Variants in PRORP observed in about 807,000 individuals in gnomAD.
PRORP encodes the protein protein only RNase P catalytic subunit.
A neutral mutation model predicts 59.4 loss-of-function variants in PRORP; 51 were observed. The ratio of observed to expected loss-of-function variants is 0.86; its 90% CI spans 0.69 to 1.08. The LOEUF is 1.08. Ranked by LOEUF, PRORP falls within the 50% of genes least tolerant of loss-of-function variation. The pLI, the probability that PRORP is intolerant of heterozygous loss-of-function variation, is 0.00. For missense variants in PRORP, 646 were observed against 690.3 expected, an observed-to-expected ratio of 0.94 and a Z score of 0.72; for synonymous variants, 231 against 245.6, an observed-to-expected ratio of 0.94 and a Z score of 0.55.
At chr14:35,137,723 G>C (rs1595172915) in intron 4 of PRORP, among the ~76,000 whole-genome samples, 1 of 145,242 alleles carries the variant, frequency 6.9e-6, no homozygotes, top group Non-Finnish European at 1.5e-5. Context: ...ACAAAGGGTA[G>C]CGTTGGTCCA....
chr14:35,273,041 T>C (rs2051233727), intron 7 of PRORP, among the ~76,000 whole-genome samples: 1 of 151,558 alleles, frequency 6.6e-6, no homozygotes, highest in Non-Finnish European at 1.5e-5. Context: ...GTTGTTGTTG[T>C]TTTGTTTTGT....
In PRORP at chr14:35,266,814, T is replaced by G. The variant is rs780771121; in HGVS notation, c.1363T>G (p.Trp455Gly). The G allele has an allele frequency of 6.2e-7, 1 of 1,614,058 alleles. No individual in the cohort carries two copies. The highest frequency in any genetic ancestry group is 1.3e-5 in the African/African-American group (1 of 75,012). The part of the protein sequence containing the change: ...RKHMLRRSSQ[W>G]SRDEMEEVQK... ...GCACATGCTAAGACGGAGTTCCCAG[T>G]GGAGTCGGGATGAGATGGAAGAGGT... The change falls in exon 6 of 8, where the codon TGG becomes GGG. Residue 455 changes from tryptophan (W) to glycine (G), a missense_variant. Transcript: ENST00000534898.
intron 4 of PRORP, among the ~76,000 whole-genome samples, chr14:35,172,692 G>C (rs2048352494): frequency 1.3e-5 from 2 of 151,224 alleles, no homozygotes; most frequent in Non-Finnish European, 1.5e-5. Context: ...TGAGACTACA[G>C]GTATGCACTA....
At chr14:35,193,809 A>C (rs2048944120) in intron 5 of PRORP, among the ~76,000 whole-genome samples, 1 of 152,120 alleles carries the variant, frequency 6.6e-6, no homozygotes, top group South Asian at 2.1e-4. Flanking sequence ...TTGACTTTTA[A>C]ATACTCTTTT....
In PRORP at chr14:35,257,305, A is replaced by G. The variant is rs115953018; in HGVS notation, c.1276-9422A>G. 1.1e-3 allele frequency among the ~76,000 whole-genome samples: 168 copies of G among 152,254 alleles called. 1 individual carries two copies. Among genetic ancestry groups the G allele is most frequent in the African/African-American group, 3.7e-3 (155 of 41,538 alleles). On this transcript the variant is annotated intron_variant, in intron 5 of 7. Coordinates refer to ENST00000534898, the MANE Select transcript of PRORP (RefSeq NM_014672.4). Reference sequence around the variant, plus strand: ...AACTGTTGCCACCATTCATCTCCAGACTTTTCTCATCTTCCCAAACTGAAA... The same window carrying G: ...AACTGTTGCCACCATTCATCTCCAGGCTTTTCTCATCTTCCCAAACTGAAA...
At position 35,266,574 on chromosome 14, in the gene PRORP, A is replaced by C. The variant is rs189392820; in HGVS notation, c.1276-153A>C. Among the ~76,000 whole-genome samples, 947 of 152,316 alleles carry C rather than the reference A, an allele frequency of 6.2e-3. 11 individuals carry two copies. The highest frequency in any genetic ancestry group is 0.022 in the African/African-American group (902 of 41,560). ...TGTGTAATAGGGAAGCATTTTCCTC[A>C]GGCTTTCAAAGATGGGAAATTATTG... On this transcript the variant is annotated intron_variant, in intron 5 of 7. Transcript: ENST00000534898.
Position 35,123,151 on chromosome 14 carries a change from C to T in PRORP, c.-95C>T. The T allele has an allele frequency of 1.6e-6, 2 of 1,279,678 alleles. No individual in the cohort carries two copies. Among genetic ancestry groups the T allele is most frequent in the South Asian group, 1.4e-5 (1 of 70,882 alleles). 79.3% of individuals were successfully genotyped at this position (1,279,678 alleles called of 1,614,324 possible). A position where few individuals can be genotyped will look rare whatever the true frequency, so the allele number is the denominator to read the frequency against. ...AACCTTTTAAAAAGTTCCACTTCGA[C>T]TCTGCACCGCCGACCCCCAATCTCT... is the stretch of plus-strand genomic sequence containing the variant. On this transcript the variant is annotated 5_prime_UTR_variant, in exon 2 of 8. Transcript: ENST00000534898.
chr14:35,215,630 A>G (rs1009029830), intron 5 of PRORP, among the ~76,000 whole-genome samples: 4 of 152,086 alleles, frequency 2.6e-5, no homozygotes, highest in African/African-American at 4.8e-5. Flanking sequence ...GCGTCTGCCT[A>G]TAGTCCTAGC....
intron 5 of PRORP, among the ~76,000 whole-genome samples, chr14:35,207,906 C>G (rs974222146): frequency 6.6e-6 from 1 of 152,208 alleles, no homozygotes; most frequent in Non-Finnish European, 1.5e-5. Context: ...AATCCCAGCA[C>G]TTTGGGAGGC....
intron 5 of PRORP, among the ~76,000 whole-genome samples, chr14:35,259,064 T>C (rs2050831548): frequency 6.6e-6 from 1 of 152,246 alleles, no homozygotes. Context: ...GGTTTCCAAC[T>C]GTAGTTGTAG....
chr14:35,230,754 C>A (rs1340148783), intron 5 of PRORP, among the ~76,000 whole-genome samples: 1 of 152,174 alleles, frequency 6.6e-6, no homozygotes, highest in Non-Finnish European at 1.5e-5. Context: ...AATTACAACA[C>A]ACTTTTCTTC....
At chr14:35,223,909 C>T (rs748500421) in intron 5 of PRORP, among the ~76,000 whole-genome samples, 2 of 152,298 alleles carry the variant, frequency 1.3e-5, no homozygotes, top group South Asian at 4.1e-4. Flanking sequence ...ATCATACCAG[C>T]ACCTCTAGTA....
At chr14:35,240,128 G>A (rs2050324405) in intron 5 of PRORP, among the ~76,000 whole-genome samples, 1 of 151,470 alleles carries the variant, frequency 6.6e-6, no homozygotes, top group South Asian at 2.1e-4. Flanking sequence ...GAGCTTAGTA[G>A]GAATGTTGTA....
intron 4 of PRORP, among the ~76,000 whole-genome samples, chr14:35,135,899 A>G (rs770368246): frequency 6.6e-6 from 1 of 151,286 alleles, no homozygotes; most frequent in African/African-American, 2.4e-5. Context: ...CGGAGGTTGC[A>G]GTGAGCTGAG....
At chr14:35,134,442 A>G (rs550369010) in intron 4 of PRORP, among the ~76,000 whole-genome samples, 1 of 152,252 alleles carries the variant, frequency 6.6e-6, no homozygotes, top group South Asian at 2.1e-4. Flanking sequence ...AAGGCCCATG[A>G]TGTACTACCT....
intron 5 of PRORP, among the ~76,000 whole-genome samples, chr14:35,198,729 G>T (rs918194153): frequency 6.6e-6 from 1 of 152,208 alleles, no homozygotes; most frequent in Admixed American, 6.5e-5. Flanking sequence ...TGCCTTCGAT[G>T]TCTGTTAAAT....
intron 5 of PRORP, among the ~76,000 whole-genome samples, chr14:35,258,980 G>A (rs190481086): frequency 9.2e-5 from 14 of 152,252 alleles, no homozygotes; most frequent in Admixed American, 7.2e-4. Flanking sequence ...GAACCTGGAC[G>A]ATGGTGTTGA....
Position 35,223,400 on chromosome 14 carries a change from C to T in PRORP, c.1275+42623C>T, listed in dbSNP as rs528735646. On this transcript the variant is annotated intron_variant, in intron 5 of 7. Transcript: ENST00000534898. The stretch of plus-strand genomic sequence containing the variant: ...AACATACTTTACTAATGTCGTGAGC[C>T]GTAGTGACACTTGCCTCCTTGTATT... Among the ~76,000 whole-genome samples the T allele has an allele frequency of 8.1e-4, 123 of 151,806 alleles. 1 individual carries two copies. In the South Asian group the frequency reaches 0.023, roughly 29 times the overall value.
At chr14:35,238,280 C>A (rs1407781356) in intron 5 of PRORP, among the ~76,000 whole-genome samples, 1 of 152,182 alleles carries the variant, frequency 6.6e-6, no homozygotes, top group Non-Finnish European at 1.5e-5. Flanking sequence ...CACTATCATG[C>A]CCTGTGGTAT....
Sources: allele counts gnomAD v4.1 joint callset (sites outside exome capture counted in the v4.1 genomes callset), GRCh38; gene constraint gnomAD v4.1.1; transcripts MANE v1.5; gene names NCBI Gene and HGNC (gene_info 2026-07-23, HGNC 2026-07-21).